Variants in TSPEAR observed in about 807,000 individuals in gnomAD.
TSPEAR encodes the protein thrombospondin type laminin G domain and EAR repeats.
In TSPEAR, 69 loss-of-function variants were observed where a neutral mutation model predicts 71.6. The ratio of observed to expected loss-of-function variants is 0.96; its 90% CI spans 0.79 to 1.18. TSPEAR has a LOEUF of 1.18. TSPEAR is among the 50% of genes most tolerant of loss of function. The pLI, the probability that TSPEAR is intolerant of heterozygous loss-of-function variation, is 0.00. For synonymous variants in TSPEAR, 402 were observed against 387.2 expected (o/e 1.04, Z -0.45); for missense variants, 971 against 894.9 (o/e 1.09, Z -1.09).
chr21:44,622,308 C>T (rs1216890518), intron 1 of TSPEAR, among the ~76,000 whole-genome samples: 2 of 152,234 alleles, frequency 1.3e-5, no homozygotes, highest in Non-Finnish European at 1.5e-5. Context: ...AAGGAATCTA[C>T]TCCCTTTTAT....
chr21:44,500,321 G>A (rs1373481257), intron 11 of TSPEAR, among the ~76,000 whole-genome samples: 2 of 152,136 alleles, frequency 1.3e-5, no homozygotes, highest in African/African-American at 2.4e-5. Context: ...GAACCCCTCC[G>A]TCCTCAGATA....
intron 11 of TSPEAR, among the ~76,000 whole-genome samples, chr21:44,502,124 A>T (rs2052043107): frequency 6.6e-6 from 1 of 152,242 alleles, no homozygotes; most frequent in Non-Finnish European, 1.5e-5. Context: ...AAATCATGAC[A>T]TCAACAGTAA....
intron 1 of TSPEAR, among the ~76,000 whole-genome samples, chr21:44,703,525 A>T (rs1031821166): frequency 5.9e-5 from 9 of 152,140 alleles, no homozygotes; most frequent in African/African-American, 2.2e-4. Context: ...GCTGAAGCTG[A>T]GTGTCGCTGT....
At chr21:44,501,747 A>G (rs1454205637) in intron 11 of TSPEAR, among the ~76,000 whole-genome samples, 2 of 152,228 alleles carry the variant, frequency 1.3e-5, no homozygotes, top group African/African-American at 4.8e-5. Context: ...CCTGGGCTAC[A>G]GAGTGAGACC....
chr21:44,617,877 G>A (rs1377890140), intron 1 of TSPEAR, among the ~76,000 whole-genome samples: 1 of 152,226 alleles, frequency 6.6e-6, no homozygotes, highest in Non-Finnish European at 1.5e-5. Context: ...ACTCAGATAT[G>A]TGTTTGCCTA....
At chr21:44,533,980 GCA>G in intron 2 of TSPEAR, 57 bp from the exon 3 acceptor site, 1 of 1,302,370 alleles carries the variant, frequency 7.7e-7, no homozygotes, top group Non-Finnish European at 1.1e-6. Context: ...GGGTGCGGGG[GCA>G]GGGCAGATGG....
chr21:44,530,609 G>A (rs1249113447), intron 4 of TSPEAR, among the ~76,000 whole-genome samples: 1 of 152,240 alleles, frequency 6.6e-6, no homozygotes, highest in Non-Finnish European at 1.5e-5. Flanking sequence ...CATCTGCTAT[G>A]TGCCAGGCAT....
intron 1 of TSPEAR, chr21:44,675,850 C>G: frequency 1.6e-6 from 1 of 641,676 alleles, no homozygotes; most frequent in East Asian, 2.6e-5. Flanking sequence ...TACGACTTTA[C>G]GAAAATCTTC....
At chr21:44,567,714 G>T in intron 2 of TSPEAR, 71 bp downstream of exon 2, 3 of 1,341,010 alleles carry the variant, frequency 2.2e-6, no homozygotes, top group South Asian at 1.6e-5. Context: ...ACCTGTGCAC[G>T]CGTTGGTACT....
intron 1 of TSPEAR, among the ~76,000 whole-genome samples, chr21:44,584,690 ATC>A (rs1166004991): frequency 6.6e-6 from 1 of 152,176 alleles, no homozygotes; most frequent in African/African-American, 2.4e-5. Flanking sequence ...AATCCAGAAG[ATC>A]TCTGTCTTCT....
rs1274300557 is a variant in TSPEAR, at chr21:44,708,013, A to G, written c.82+3420T>C. 3.7e-3 allele frequency among the ~76,000 whole-genome samples: 81 copies of G among 21,758 alleles called. 1 individual carries two copies. Among genetic ancestry groups the G allele is most frequent in the Non-Finnish European group, 6.6e-3 (60 of 9,150 alleles). 14.3% of individuals were successfully genotyped at this position (21,758 alleles called of 152,430 possible). A position where few individuals can be genotyped will look rare whatever the true frequency, so the allele number is the denominator to read the frequency against. On this transcript the variant is annotated intron_variant, in intron 1 of 11. Coordinates refer to ENST00000323084, the MANE Select transcript of TSPEAR (RefSeq NM_144991.3). ...CCCTCCCCGCCCCGCGCGTGCACAC[A>G]CACACACACACACACACACACACAC...
At chr21:44,672,521 G>A (rs1030208025) in intron 1 of TSPEAR, among the ~76,000 whole-genome samples, 15 of 152,122 alleles carry the variant, frequency 9.9e-5, no homozygotes, top group African/African-American at 2.9e-4. Flanking sequence ...AGTGAGCAGA[G>A]ATGGCGCCAC....
In TSPEAR at chr21:44,711,125, A is replaced by G. The variant is rs1988196840; in HGVS notation, c.82+308T>C. Among the ~76,000 whole-genome samples the G allele has an allele frequency of 6.6e-6, 1 of 151,988 alleles. No homozygotes were observed. The highest frequency in any genetic ancestry group is 6.6e-5 in the Admixed American group (1 of 15,256). ...AAAGCAGGTGTCAGCCTTTCCCGGG[A>G]GGCCCAGCAGGTAAGCACTTGTGGA... On this transcript the variant is annotated intron_variant, in intron 1 of 11. Transcript: ENST00000323084. The surrounding 1 kb of genome is among the most constrained non-coding windows in gnomAD (Gnocchi z 4.5).
At chr21:44,645,741 A>G (rs1984291165) in intron 1 of TSPEAR, among the ~76,000 whole-genome samples, 1 of 152,194 alleles carries the variant, frequency 6.6e-6, no homozygotes, top group African/African-American at 2.4e-5. Context: ...TGCTAAAAGT[A>G]ATAAAATATA....
At chr21:44,511,296 T>C (rs1350165551) in intron 9 of TSPEAR, among the ~76,000 whole-genome samples, 3 of 152,190 alleles carry the variant, frequency 2.0e-5, no homozygotes, top group Admixed American at 2.0e-4. Flanking sequence ...GGATGTGCAC[T>C]GTGCGCACAC....
intron 1 of TSPEAR, among the ~76,000 whole-genome samples, chr21:44,616,830 C>T (rs116448451): frequency 0.017 from 2,523 of 152,368 alleles, 56 homozygotes; most frequent in African/African-American, 0.048. Context: ...GCCTCTGCTC[C>T]GGTCACGCCT....
rs1461574228 is a variant in TSPEAR, at chr21:44,612,018, G to A, written c.83-44013C>T. 11 of 1,368,948 alleles carry A rather than the reference G, an allele frequency of 8.0e-6. No homozygotes were observed. The East Asian group carries it at 1.4e-4, about 17-fold the overall frequency. The allele number at this position is 1,368,948 out of a possible 1,614,324, so 84.8% of individuals were successfully genotyped here. A position where few individuals can be genotyped will look rare whatever the true frequency, so the allele number is the denominator to read the frequency against. ...GACTCCTGTGAGGAAAATACCCAGG[G>A]AGGGTATAAAACCTCAGCAGCCAGG... is the stretch of plus-strand genomic sequence containing the variant. On this transcript the variant is annotated intron_variant, in intron 1 of 11. Coordinates refer to ENST00000323084, the MANE Select transcript of TSPEAR (RefSeq NM_144991.3). The surrounding 1 kb of genome is among the most constrained non-coding windows in gnomAD (Gnocchi z 4.1).
At chr21:44,542,742 TAAAAAAAA>T in intron 2 of TSPEAR, among the ~76,000 whole-genome samples, 1 of 120,028 alleles carries the variant, frequency 8.3e-6, no homozygotes, top group African/African-American at 3.2e-5. Flanking sequence ...AGAGACCTGT[TAAAAAAAA>T]AAAAAAAAGA....
At chr21:44,574,647 T>G in intron 1 of TSPEAR, 1 of 1,516,030 alleles carries the variant, frequency 6.6e-7, no homozygotes, top group Non-Finnish European at 9.0e-7. Context: ...TTCCTCTCTG[T>G]GCTGCCAGCA....
Sources: gnomAD v4.1 joint callset for allele counts (sites outside exome capture counted in the v4.1 genomes callset) on GRCh38, gnomAD v4.1.1 for gene constraint, Gnocchi (gnomAD v3.1) non-coding constraint, MANE v1.5 for transcripts, NCBI Gene and HGNC (gene_info 2026-07-23, HGNC 2026-07-21) for gene names.